IRS1: variants seen among roughly 807,000 people sequenced by gnomAD.
The protein encoded by IRS1 is insulin receptor substrate 1.
A neutral mutation model predicts 65.6 loss-of-function variants in IRS1; 34 were observed. The observed-to-expected ratio is 0.52, with a 90% CI of 0.39 to 0.69. The LOEUF is 0.69. IRS1 is among the 30% of genes least tolerant of loss of function. IRS1 has a pLI of 0.00. For synonymous variants in IRS1, 699 were observed against 683.5 expected (o/e 1.02, Z -0.35); for missense variants, 1,641 against 1,720.2 (o/e 0.95, Z 0.81).
chr2:226,764,607 C>A (rs757920801), intron 1 of IRS1, among the ~76,000 whole-genome samples: 1 of 152,102 alleles, frequency 6.6e-6, no homozygotes, highest in Non-Finnish European at 1.5e-5. Context: ...TATCTCAAAG[C>A]CTGACACATA....
rs541912526 is a variant in IRS1, at chr2:226,733,510, T to C, written c.*2762A>G. The C allele has an allele frequency of 1.2e-4, 18 of 152,356 alleles. No individual in the cohort carries two copies. The highest frequency in any genetic ancestry group is 4.3e-4 in the African/African-American group (18 of 41,592). 9.4% of individuals were successfully genotyped at this position (152,356 alleles called of 1,614,324 possible). A position where few individuals can be genotyped will look rare whatever the true frequency, so the allele number is the denominator to read the frequency against. ...TCATCAAAGTCATAAAACATATTTG[T>C]TCTTTTCGCAAAAGAGGATTTTAAA... On this transcript the variant is annotated 3_prime_UTR_variant, in exon 2 of 2. Transcript: ENST00000305123.
At chr2:226,760,231 A>G (rs1240428658) in intron 1 of IRS1, among the ~76,000 whole-genome samples, 2 of 152,206 alleles carry the variant, frequency 1.3e-5, no homozygotes, top group Non-Finnish European at 1.5e-5. Context: ...CAAATGAGTC[A>G]TTTATGTGCA....
intron 1 of IRS1, among the ~76,000 whole-genome samples, chr2:226,750,205 C>T (rs188634356): frequency 2.6e-4 from 38 of 148,212 alleles, no homozygotes; most frequent in African/African-American, 8.3e-4. Flanking sequence ...GCCAAGGTCA[C>T]GCCATTGCAT....
At position 226,797,175 on chromosome 2, in the gene IRS1, G is replaced by A; in HGVS notation, c.1564C>T (p.Arg522Ter). 2 of 1,613,946 alleles carry A rather than the reference G, an allele frequency of 1.2e-6. No homozygotes were observed. Among genetic ancestry groups the A allele is most frequent in the Non-Finnish European group, 1.7e-6 (2 of 1,180,010 alleles). ...ASAADLDNRF[R>*]KRTHSAGTSP... ...GTGCCTGCCGAGTGAGTTCTCTTTC[G>A]GAACCGATTATCCAGATCTGCAGCA... Residue 522 changes from arginine to a stop codon, truncating the protein, a stop_gained, in exon 1 of 2, where the codon CGA becomes TGA. Coordinates refer to ENST00000305123, the MANE Select transcript of IRS1 (RefSeq NM_005544.3). LOFTEE classifies it high-confidence loss of function. The surrounding 1 kb of genome is among the most constrained non-coding windows in gnomAD (Gnocchi z 8.1).
At chr2:226,751,210 C>T (rs1938670675) in intron 1 of IRS1, among the ~76,000 whole-genome samples, 1 of 150,738 alleles carries the variant, frequency 6.6e-6, no homozygotes, top group Non-Finnish European at 1.5e-5. Context: ...ATTTGGATGA[C>T]TGCAAAGAGG....
Position 226,798,436 on chromosome 2 carries a change from G to A in IRS1, c.303C>T (p.Ala101=). 1 of 1,614,094 alleles carries A rather than the reference G, an allele frequency of 6.2e-7. No homozygotes were observed. The highest frequency in any genetic ancestry group is 1.3e-5 in the African/African-American group (1 of 75,046). ...EHFAIAADSE[A]EQDSWYQALL... ...GAGCCTGGTACCAGCTGTCTTGCTC[G>A]GCCTCGCTGTCCGCCGCGATGGCAA... The change falls in exon 1 of 2, where the codon GCC becomes GCT. Residue 101 remains alanine (A), a synonymous_variant. Transcript: ENST00000305123. This position sits in a 1 kb window ranked among gnomAD's most constrained non-coding sequence, Gnocchi z 9.4.
Position 226,794,869 on chromosome 2 carries a change from A to G in IRS1, c.*21+120T>C. On this transcript the variant is annotated intron_variant, in intron 1 of 1. Transcript: ENST00000305123. This position sits in a 1 kb window ranked among gnomAD's most constrained non-coding sequence, Gnocchi z 4.1. ...AGCATCTTGTGTGCCCTGAGAATGTAAGTGCATTCTCCCTGAGGAAGCAGT... is the reference window on the plus strand; with the variant it reads ...AGCATCTTGTGTGCCCTGAGAATGTGAGTGCATTCTCCCTGAGGAAGCAGT... 2 of 881,910 alleles carry G rather than the reference A, an allele frequency of 2.3e-6. No homozygotes were observed. The highest frequency in any genetic ancestry group is 3.8e-6 in the Non-Finnish European group (2 of 531,388). The allele number at this position is 881,910 out of a possible 1,614,324, so 54.6% of individuals were successfully genotyped here.
chr2:226,769,408 C>T (rs879156973), intron 1 of IRS1, among the ~76,000 whole-genome samples: 1 of 152,104 alleles, frequency 6.6e-6, no homozygotes, highest in South Asian at 2.1e-4. Flanking sequence ...CAAGACTGCC[C>T]GGAGTGTCTT....
At chr2:226,782,495 T>G (rs567091584) in intron 1 of IRS1, among the ~76,000 whole-genome samples, 12 of 152,316 alleles carry the variant, frequency 7.9e-5, no homozygotes, top group African/African-American at 2.6e-4. Flanking sequence ...TCAAAGTCTC[T>G]GACTCCATTT....
At chr2:226,786,864 C>A (rs1251985363) in intron 1 of IRS1, among the ~76,000 whole-genome samples, 1 of 150,176 alleles carries the variant, frequency 6.7e-6, no homozygotes, top group Non-Finnish European at 1.5e-5. Context: ...GACTGCATAT[C>A]ATCAAAACAG....
At position 226,798,055 on chromosome 2, in the gene IRS1, A is replaced by G. The variant is rs1311782195; in HGVS notation, c.684T>C (p.Ser228=). ...ENFFFIEVGR[S]AVTGPGEFWM... is the part of the protein sequence containing the mutation. Reference sequence around the variant, plus strand: ...AGAACTCCCCGGGCCCCGTCACGGCAGAACGGCCCACCTCGATGAAGAAGA... The same window carrying G: ...AGAACTCCCCGGGCCCCGTCACGGCGGAACGGCCCACCTCGATGAAGAAGA... The change falls in exon 1 of 2, where the codon TCT becomes TCC. Residue 228 remains serine, a synonymous_variant. Transcript: ENST00000305123. This position sits in a 1 kb window ranked among gnomAD's most constrained non-coding sequence, Gnocchi z 9.4. The G allele has an allele frequency of 1.2e-6, 2 of 1,614,066 alleles. No homozygotes were observed.
chr2:226,731,989 T>C lies in IRS1; in HGVS notation c.*4283A>G, dbSNP rs1559144173. The C allele has an allele frequency of 1.3e-5, 2 of 152,170 alleles. No individual in the cohort carries two copies. The highest frequency in any genetic ancestry group is 2.9e-5 in the Non-Finnish European group (2 of 68,028). The allele number at this position is 152,170 out of a possible 1,614,324, so 9.4% of individuals were successfully genotyped here. On this transcript the variant is annotated 3_prime_UTR_variant, in exon 2 of 2. Transcript: ENST00000305123. ...AATGGCAGAAGTCTAAAACACCAGATCTTTTGGTGTATACGTCACAAATGG... is the reference window on the plus strand; with the variant it reads ...AATGGCAGAAGTCTAAAACACCAGACCTTTTGGTGTATACGTCACAAATGG...
rs1221678638 is a variant in IRS1, at chr2:226,797,149, T to C, written c.1590A>G (p.Thr530=). ...RFRKRTHSAG[T]SPTITHQKTP... Reference sequence around the variant, plus strand: ...TCTTCTGGTGGGTAATGGTAGGGGATGTGCCTGCCGAGTGAGTTCTCTTTC... The same window carrying C: ...TCTTCTGGTGGGTAATGGTAGGGGACGTGCCTGCCGAGTGAGTTCTCTTTC... The change falls in exon 1 of 2, where the codon ACA becomes ACG. Residue 530 remains threonine, a synonymous_variant. Coordinates refer to ENST00000305123, the MANE Select transcript of IRS1 (RefSeq NM_005544.3). This position sits in a 1 kb window ranked among gnomAD's most constrained non-coding sequence, Gnocchi z 8.1. The C allele has an allele frequency of 6.2e-7, 1 of 1,613,760 alleles. No individual in the cohort carries two copies. Among genetic ancestry groups the C allele is most frequent in the Non-Finnish European group, 8.5e-7 (1 of 1,179,964 alleles).
rs1939691845 is a variant in IRS1 at position 226,795,346 on chromosome 2, G to A, written c.3393C>T (p.Ser1131=). 1 of 1,613,118 alleles carries A rather than the reference G, an allele frequency of 6.2e-7. No homozygotes were observed. Among genetic ancestry groups the A allele is most frequent in the Non-Finnish European group, 8.5e-7 (1 of 1,179,978 alleles). Residue 1131 remains serine (S), a synonymous_variant, in exon 1 of 2, where the codon AGC becomes AGT. Transcript: ENST00000305123. ...GTTTCACATCCTCGCTGCTGCTGCT[G>A]CTACCGCCACCGCCCCCTACTGCTG... ...AGAAVGGGGG[S]SSSSEDVKRH... is the part of the protein sequence containing the mutation.
In IRS1 at chr2:226,798,701, A is replaced by T. The variant is rs1482198491; in HGVS notation, c.38T>A (p.Val13Glu). 5.6e-6 allele frequency: 9 copies of T among 1,612,824 alleles called. No homozygotes were observed. The East Asian group carries it at 2.0e-4, about 36-fold the overall frequency. The change falls in exon 1 of 2, where the codon GTG becomes GAG. Residue 13 changes from valine to glutamate, a missense_variant. Physicochemically the swap from Val to Glu is moderately radical, Grantham distance 121. Around this residue, in one of 3 missense-constraint regions of IRS1, gnomAD observed 240 missense variants for 229.6 expected, o/e 1.05. Transcript: ENST00000305123. The surrounding 1 kb of genome is among the most constrained non-coding windows in gnomAD (Gnocchi z 9.4). ...SPPESDGFSDVRKVGYLRKPK... is the reference protein window; with the variant it reads ...SPPESDGFSDERKVGYLRKPK... ...TTTGCGCAGGTAGCCCACCTTGCGCACGTCCGAGAAGCCATCGCTCTCCGG... is the reference window on the plus strand; with the variant it reads ...TTTGCGCAGGTAGCCCACCTTGCGCTCGTCCGAGAAGCCATCGCTCTCCGG...
intron 1 of IRS1, among the ~76,000 whole-genome samples, chr2:226,740,689 C>A (rs1287520921): frequency 6.6e-6 from 1 of 152,104 alleles, no homozygotes; most frequent in Non-Finnish European, 1.5e-5. Flanking sequence ...AAATCAAGGG[C>A]AATATAGTAA....
intron 1 of IRS1, among the ~76,000 whole-genome samples, chr2:226,778,912 T>A (rs1423720547): frequency 6.6e-6 from 1 of 152,232 alleles, no homozygotes; most frequent in Non-Finnish European, 1.5e-5. Context: ...CCCTATTACA[T>A]CACAAAAATG....
chr2:226,773,540 A>C (rs1477511780), intron 1 of IRS1, among the ~76,000 whole-genome samples: 2 of 152,156 alleles, frequency 1.3e-5, no homozygotes, highest in African/African-American at 4.8e-5. Context: ...GGTGAGAGAG[A>C]AAGAAAAATC....
chr2:226,753,182 A>G (rs747489075), intron 1 of IRS1, among the ~76,000 whole-genome samples: 1 of 152,248 alleles, frequency 6.6e-6, no homozygotes, highest in Non-Finnish European at 1.5e-5. Flanking sequence ...TCATGCCATT[A>G]AAACCCAGAC....
Sources: allele counts gnomAD v4.1 joint callset (sites outside exome capture counted in the v4.1 genomes callset), GRCh38; gene constraint gnomAD v4.1.1; regional missense constraint gnomAD v4.1.1; non-coding constraint Gnocchi (gnomAD v3.1); transcripts MANE v1.5; gene names NCBI Gene and HGNC (gene_info 2026-07-23, HGNC 2026-07-21).